ATG4C: variants seen among roughly 807,000 people sequenced by gnomAD.
ATG4C encodes autophagy related 4C cysteine peptidase.
Under a neutral mutation model 57.6 loss-of-function variants are expected in ATG4C, and 56 were observed. The ratio of observed to expected loss-of-function variants is 0.97; its 90% CI spans 0.78 to 1.21. ATG4C has a LOEUF of 1.21. Among genes scored for constraint, ATG4C ranks in the 50% most tolerant of loss-of-function variants. The probability of loss-of-function intolerance (pLI) is 0.00; values close to 1 mark genes in which losing one functional copy is unlikely to be tolerated. For synonymous variants in ATG4C, 157 were observed against 174.1 expected (o/e 0.90, Z 0.78); for missense variants, 595 against 529.8 (o/e 1.12, Z -1.21).
intron 1 of ATG4C, among the ~76,000 whole-genome samples, chr1:62,793,640 A>G (rs1313198187): frequency 2.0e-5 from 3 of 151,400 alleles, no homozygotes; most frequent in African/African-American, 7.3e-5. Context: ...CAAACAAAAA[A>G]CCAACACACA....
rs950611267 is a variant in ATG4C, at chr1:62,865,356, T to G, written c.*1197T>G. On this transcript the variant is annotated 3_prime_UTR_variant, in exon 11 of 11. Transcript: ENST00000317868. ...TAAAATTGTGTATCATCTAAAGTCA[T>G]TGATCTCTTCCATCAGAAAACCTGT... 8.6e-5 allele frequency: 13 copies of G among 151,962 alleles called. No individual in the cohort carries two copies. Among genetic ancestry groups the G allele is most frequent in the African/African-American group, 3.1e-4 (13 of 41,442 alleles). The allele number at this position is 151,962 out of a possible 1,614,324, so 9.4% of individuals were successfully genotyped here.
intron 9 of ATG4C, 122 bp downstream of exon 9, chr1:62,834,974 A>G (rs1665954149): frequency 1.1e-5 from 8 of 748,548 alleles, no homozygotes; most frequent in Admixed American, 5.9e-5. Context: ...TCAATATTTT[A>G]CTGATCTATA....
At chr1:62,822,011 C>T (rs1487609157) in intron 6 of ATG4C, among the ~76,000 whole-genome samples, 1 of 152,088 alleles carries the variant, frequency 6.6e-6, no homozygotes, top group Non-Finnish European at 1.5e-5. Context: ...TAGGAATGCT[C>T]AACCTGTAGT....
chr1:62,859,728 G>T (rs541779894), intron 10 of ATG4C, among the ~76,000 whole-genome samples: 15 of 151,050 alleles, frequency 9.9e-5, no homozygotes, highest in Non-Finnish European at 2.1e-4. Flanking sequence ...ATGGAGTCTC[G>T]CTCTGTCGCC....
intron 10 of ATG4C, among the ~76,000 whole-genome samples, chr1:62,850,322 A>G (rs1002752878): frequency 2.4e-4 from 36 of 152,076 alleles, no homozygotes; most frequent in African/African-American, 8.7e-4. Context: ...CCTTGAGATT[A>G]TTGCGGTAGC....
chr1:62,811,928 A>G (rs1362053208), intron 3 of ATG4C, among the ~76,000 whole-genome samples: 2 of 152,188 alleles, frequency 1.3e-5, no homozygotes, highest in Non-Finnish European at 2.9e-5. Context: ...ATTTTATTAT[A>G]CATCATTTTG....
intron 1 of ATG4C, among the ~76,000 whole-genome samples, chr1:62,791,887 A>G (rs571890871): frequency 2.0e-5 from 3 of 152,126 alleles, no homozygotes; most frequent in Non-Finnish European, 4.4e-5. Flanking sequence ...TAGACATTAG[A>G]CCTGAAATCT....
At chr1:62,799,420 A>T (rs902787647) in intron 1 of ATG4C, among the ~76,000 whole-genome samples, 1 of 152,248 alleles carries the variant, frequency 6.6e-6, no homozygotes, top group African/African-American at 2.4e-5. Flanking sequence ...TTCATAGAAT[A>T]GTTAAGGATG....
chr1:62,817,701 T>C (rs974204180), intron 4 of ATG4C, among the ~76,000 whole-genome samples: 6 of 152,194 alleles, frequency 3.9e-5, no homozygotes, highest in African/African-American at 1.2e-4. Flanking sequence ...AAAAATGTCA[T>C]TGATACTTAA....
At chr1:62,806,526 A>T (rs183053405) in intron 3 of ATG4C, among the ~76,000 whole-genome samples, 109 of 152,142 alleles carry the variant, frequency 7.2e-4, no homozygotes, top group Non-Finnish European at 1.3e-3. Context: ...ATATATATAT[A>T]TTTTTTGGAA....
At chr1:62,815,099 T>C (rs1046835770) in intron 3 of ATG4C, among the ~76,000 whole-genome samples, 1 of 152,064 alleles carries the variant, frequency 6.6e-6, no homozygotes, top group Non-Finnish European at 1.5e-5. Flanking sequence ...TAAATGTGTT[T>C]AAACCGTTTA....
chr1:62,791,713 G>T (rs1378434873), intron 1 of ATG4C, among the ~76,000 whole-genome samples: 1 of 152,064 alleles, frequency 6.6e-6, no homozygotes, highest in Admixed American at 6.5e-5. Flanking sequence ...ATTTATGAGG[G>T]CAGAACCCCA....
chr1:62,857,909 T>C (rs1201103843), intron 10 of ATG4C, among the ~76,000 whole-genome samples: 1 of 152,164 alleles, frequency 6.6e-6, no homozygotes, highest in Non-Finnish European at 1.5e-5. Context: ...GTAAGTGAAA[T>C]ATAAGTGGGT....
At chr1:62,862,165 G>A (rs1666878081) in intron 10 of ATG4C, among the ~76,000 whole-genome samples, 1 of 152,182 alleles carries the variant, frequency 6.6e-6, no homozygotes, top group East Asian at 1.9e-4. Flanking sequence ...AATAAATATT[G>A]TGCATAAGGA....
chr1:62,789,734 G>A (rs1273809345), intron 1 of ATG4C, among the ~76,000 whole-genome samples: 3 of 152,004 alleles, frequency 2.0e-5, no homozygotes, highest in Non-Finnish European at 2.9e-5. Flanking sequence ...GGAGAATGGC[G>A]TAAACCCGGG....
intron 6 of ATG4C, among the ~76,000 whole-genome samples, chr1:62,828,412 C>A (rs1665735185): frequency 6.6e-6 from 1 of 152,074 alleles, no homozygotes; most frequent in Non-Finnish European, 1.5e-5. Flanking sequence ...TGGTATTGAG[C>A]TTTTTTTAAT....
At chr1:62,790,022 C>T (rs12750156) in intron 1 of ATG4C, among the ~76,000 whole-genome samples, 57,519 of 151,378 alleles carry the variant, frequency 0.38, 11,732 homozygotes, top group East Asian at 0.67. Flanking sequence ...TCAAGCGATT[C>T]TCCTGCCTCA....
At chr1:62,836,437 A>T (rs576380444) in intron 9 of ATG4C, among the ~76,000 whole-genome samples, 4 of 152,134 alleles carry the variant, frequency 2.6e-5, no homozygotes, top group African/African-American at 9.6e-5. Context: ...CCTGTTAAAA[A>T]TTTTTATTTT....
chr1:62,803,077 AAGTC>A (rs1168805344), intron 1 of ATG4C, among the ~76,000 whole-genome samples: 5 of 152,352 alleles, frequency 3.3e-5, no homozygotes, highest in Admixed American at 2.0e-4. Flanking sequence ...ATTTTCCCTA[AAGTC>A]AGTAATAAAA....
Sources: gnomAD v4.1 joint callset for allele counts (sites outside exome capture counted in the v4.1 genomes callset) on GRCh38, gnomAD v4.1.1 for gene constraint, MANE v1.5 for transcripts, NCBI Gene and HGNC (gene_info 2026-07-23, HGNC 2026-07-21) for gene names.